CCDC91: variants seen among roughly 807,000 people sequenced by gnomAD.
The protein encoded by CCDC91 is coiled-coil domain containing 91.
In CCDC91, 48 loss-of-function variants were observed where a neutral mutation model predicts 63.2. The ratio of observed to expected loss-of-function variants is 0.76; its 90% confidence interval spans 0.60 to 0.97. The LOEUF is 0.97. Among genes scored for constraint, CCDC91 ranks in the 50% least tolerant of loss-of-function variants. CCDC91 has a pLI of 0.00. For missense variants in CCDC91, 500 were observed against 494.6 expected (o/e 1.01, Z -0.10); for synonymous variants, 167 against 165.8 (o/e 1.01, Z -0.06).
At chr12:28,213,110 C>T (rs1449710899) in intron 1 of CCDC91, among the ~76,000 whole-genome samples, 2 of 152,090 alleles carry the variant, frequency 1.3e-5, no homozygotes, top group Non-Finnish European at 2.9e-5. Flanking sequence ...TTGAAGAGAC[C>T]CCCACACACC....
At chr12:28,370,838 C>T (rs1037111813) in intron 7 of CCDC91, among the ~76,000 whole-genome samples, 11 of 150,090 alleles carry the variant, frequency 7.3e-5, no homozygotes, top group South Asian at 4.2e-4. Flanking sequence ...AGAGAGAGAG[C>T]GAAGTGGGAA....
chr12:28,478,379 C>T (rs1164585616), intron 11 of CCDC91, among the ~76,000 whole-genome samples: 1 of 152,000 alleles, frequency 6.6e-6, no homozygotes, highest in Admixed American at 6.6e-5. Context: ...CCCAGTTTAA[C>T]AAGTGGTGCT....
chr12:28,288,092 A>T (rs1185540403), intron 3 of CCDC91, among the ~76,000 whole-genome samples: 1 of 152,150 alleles, frequency 6.6e-6, no homozygotes, highest in Non-Finnish European at 1.5e-5. Context: ...CAGCTTAAGG[A>T]GCTTTTGGGT....
At chr12:28,211,802 A>G (rs1212380069) in intron 1 of CCDC91, among the ~76,000 whole-genome samples, 1 of 152,074 alleles carries the variant, frequency 6.6e-6, no homozygotes, top group African/African-American at 2.4e-5. Context: ...GAAAAATGAA[A>G]CAAAGGGGTA....
intron 7 of CCDC91, among the ~76,000 whole-genome samples, chr12:28,385,421 G>T (rs1945541190): frequency 6.6e-6 from 1 of 152,034 alleles, no homozygotes; most frequent in African/African-American, 2.4e-5. Flanking sequence ...TGTTGTAGGT[G>T]CATTGGGTAT....
At chr12:28,439,607 A>G (rs930143736) in intron 8 of CCDC91, among the ~76,000 whole-genome samples, 2 of 152,138 alleles carry the variant, frequency 1.3e-5, no homozygotes, top group Non-Finnish European at 2.9e-5. Context: ...ATGAGCCACC[A>G]TGATTGCTTA....
At chr12:28,347,320 G>A (rs1270979511) in intron 6 of CCDC91, among the ~76,000 whole-genome samples, 1 of 152,138 alleles carries the variant, frequency 6.6e-6, no homozygotes, top group African/African-American at 2.4e-5. Context: ...AGTTGTTAAT[G>A]TAATATGGAA....
At chr12:28,293,194 T>G (rs936740036) in intron 3 of CCDC91, among the ~76,000 whole-genome samples, 1 of 152,116 alleles carries the variant, frequency 6.6e-6, no homozygotes, top group African/African-American at 2.4e-5. Flanking sequence ...ATTCAGAGAA[T>G]AAGACATAAA....
At chr12:28,304,342 A>C (rs1227791703) in intron 3 of CCDC91, among the ~76,000 whole-genome samples, 1 of 138,306 alleles carries the variant, frequency 7.2e-6, no homozygotes, top group African/African-American at 2.7e-5. Flanking sequence ...ACGCCATTGT[A>C]CTCCAGCCTG....
Position 28,420,280 on chromosome 12 carries a change from G to T in CCDC91, c.762+28869G>T, listed in dbSNP as rs1239523320. On this transcript the variant is annotated intron_variant, in intron 8 of 12. Transcript: ENST00000536442. ...ATTTGATACATTCAAAGCTCTAGATGAAATTTTTCTATGGCTTGAAACTCT... is the reference window on the plus strand; with the variant it reads ...ATTTGATACATTCAAAGCTCTAGATTAAATTTTTCTATGGCTTGAAACTCT... 3.9e-5 allele frequency among the ~76,000 whole-genome samples: 6 copies of T among 152,094 alleles called. No individual in the cohort carries two copies. In the East Asian group the frequency reaches 5.8e-4, roughly 15 times the overall value.
chr12:28,272,612 T>C (rs955140486), intron 3 of CCDC91, among the ~76,000 whole-genome samples: 19 of 152,046 alleles, frequency 1.2e-4, no homozygotes, highest in Non-Finnish European at 2.4e-4. Context: ...TTCCTCCTTC[T>C]CTTTATTCAT....
intron 3 of CCDC91, among the ~76,000 whole-genome samples, chr12:28,261,156 C>G (rs1946800651): frequency 6.6e-6 from 1 of 151,818 alleles, no homozygotes; most frequent in South Asian, 2.1e-4. Flanking sequence ...AATGGTGTTA[C>G]CATGAACAGA....
In CCDC91 at chr12:28,531,587, C is replaced by T. The variant is rs73265468; in HGVS notation, c.1216-17476C>T. Among the ~76,000 whole-genome samples the T allele has an allele frequency of 1.4e-3, 215 of 152,142 alleles. 1 individual carries two copies. Among genetic ancestry groups the T allele is most frequent in the African/African-American group, 4.9e-3 (205 of 41,526 alleles). ...ACTGAGTACTTTGAAAAATAACTTGCAGTTTCTTGTAATTGTTTTCTGTCA... is the reference window on the plus strand; with the variant it reads ...ACTGAGTACTTTGAAAAATAACTTGTAGTTTCTTGTAATTGTTTTCTGTCA... On this transcript the variant is annotated intron_variant, in intron 12 of 12. Coordinates refer to ENST00000536442, the MANE Select transcript of CCDC91 (RefSeq NM_018318.5).
At chr12:28,436,802 C>G (rs746015548) in intron 8 of CCDC91, among the ~76,000 whole-genome samples, 5 of 151,784 alleles carry the variant, frequency 3.3e-5, no homozygotes, top group Non-Finnish European at 7.4e-5. Context: ...GCATAGAAAT[C>G]TAACATGTTC....
intron 6 of CCDC91, among the ~76,000 whole-genome samples, chr12:28,356,336 T>C (rs989803642): frequency 6.6e-6 from 1 of 152,206 alleles, no homozygotes; most frequent in Non-Finnish European, 1.5e-5. Flanking sequence ...TTTGTTGTTT[T>C]TCTTCTGTAT....
intron 8 of CCDC91, among the ~76,000 whole-genome samples, chr12:28,434,126 G>T (rs1273398605): frequency 1.3e-5 from 2 of 151,684 alleles, no homozygotes; most frequent in Non-Finnish European, 3.0e-5. Flanking sequence ...AGACAGTCAT[G>T]TCTTTTGTGA....
At chr12:28,453,601 G>A (rs540965174) in intron 11 of CCDC91, among the ~76,000 whole-genome samples, 37 of 151,958 alleles carry the variant, frequency 2.4e-4, no homozygotes, top group Admixed American at 3.9e-4. Context: ...CAGATCTGTA[G>A]GTACCATCTA....
chr12:28,426,940 G>C lies in CCDC91; in HGVS notation c.763-23221G>C, dbSNP rs1948351790. Among the ~76,000 whole-genome samples the C allele has an allele frequency of 2.6e-5, 4 of 152,228 alleles. No individual in the cohort carries two copies. In the South Asian group the frequency reaches 8.3e-4, roughly 32 times the overall value. On this transcript the variant is annotated intron_variant, in intron 8 of 12. Coordinates refer to ENST00000536442, the MANE Select transcript of CCDC91 (RefSeq NM_018318.5). ...CTTTTAATGTAAATTTGGCTAAGAA[G>C]TAGGCTATGTTTAATATTTTCTCTT...
chr12:28,408,737 G>A (rs1347974628), intron 8 of CCDC91, among the ~76,000 whole-genome samples: 3 of 151,972 alleles, frequency 2.0e-5, no homozygotes. Context: ...CTGCCTCCTG[G>A]GTTCATGCAA....
Sources: gnomAD v4.1 joint callset for allele counts (sites outside exome capture counted in the v4.1 genomes callset) on GRCh38, gnomAD v4.1.1 for gene constraint, MANE v1.5 for transcripts, NCBI Gene and HGNC (gene_info 2026-07-23, HGNC 2026-07-21) for gene names.